Variants in NEBL observed in about 807,000 individuals in gnomAD.
NEBL encodes nebulette.
In NEBL, 122 loss-of-function variants were observed where a neutral mutation model predicts 140.2. The ratio of observed to expected loss-of-function variants is 0.87; its 90% CI spans 0.75 to 1.01. The LOEUF (loss-of-function observed/expected upper bound fraction) is 1.01. NEBL is among the 50% of genes least tolerant of loss of function. NEBL has a pLI of 0.00. For missense variants in NEBL, 1,365 were observed against 1,231.3 expected, an observed-to-expected ratio of 1.11 and a Z score of -1.62; for synonymous variants, 436 against 398.9, an observed-to-expected ratio of 1.09 and a Z score of -1.11.
chr10:21,102,436 T>C lies in NEBL; in HGVS notation c.164+69947A>G, dbSNP rs897768702. ...TAATGCATTCCCCATCCTTACCCAC[T>C]AACCCAAACCCAGGGAACCAACAAT... On this transcript the variant is annotated intron_variant, in intron 2 of 6. Coordinates refer to the NEBL transcript ENST00000417816. Among the ~76,000 whole-genome samples, 6 of 152,188 alleles carry C rather than the reference T, an allele frequency of 3.9e-5. 1 individual carries two copies. The highest frequency in any genetic ancestry group is 3.9e-4 in the Admixed American group (6 of 15,272).
chr10:20,880,432 T>C (rs1227658358), intron 5 of NEBL, among the ~76,000 whole-genome samples: 1 of 152,190 alleles, frequency 6.6e-6, no homozygotes, highest in Non-Finnish European at 1.5e-5. Context: ...CTGTGGGCCA[T>C]TGATTCCTGA....
intron 2 of NEBL, among the ~76,000 whole-genome samples, chr10:21,094,548 G>T (rs906524892): frequency 6.6e-6 from 1 of 150,582 alleles, no homozygotes; most frequent in Non-Finnish European, 1.5e-5. Flanking sequence ...CAGATGTGGT[G>T]GTGGAGTGCC....
intron 2 of NEBL, among the ~76,000 whole-genome samples, chr10:21,151,977 C>T (rs1840157477): frequency 6.6e-6 from 1 of 152,220 alleles, no homozygotes; most frequent in Admixed American, 6.5e-5. Context: ...CTCTACTTTG[C>T]TCACTGCCAC....
chr10:21,009,239 T>C (rs1838245263), intron 3 of NEBL, among the ~76,000 whole-genome samples: 1 of 152,224 alleles, frequency 6.6e-6, no homozygotes, highest in South Asian at 2.1e-4. Flanking sequence ...TTGGTTTTAC[T>C]ATATTTCACT....
intron 2 of NEBL, among the ~76,000 whole-genome samples, chr10:21,042,010 T>C (rs1834289570): frequency 6.6e-6 from 1 of 152,236 alleles, no homozygotes; most frequent in Non-Finnish European, 1.5e-5. Context: ...TGGTGGGTTT[T>C]GTCCGGCTTC....
At chr10:21,116,142 T>C (rs1475765091) in intron 2 of NEBL, among the ~76,000 whole-genome samples, 2 of 152,090 alleles carry the variant, frequency 1.3e-5, no homozygotes, top group South Asian at 2.1e-4. Flanking sequence ...ATATGCAGTA[T>C]ATTTACAATA....
At chr10:21,072,647 C>T (rs564917412) in intron 2 of NEBL, among the ~76,000 whole-genome samples, 1 of 152,344 alleles carries the variant, frequency 6.6e-6, no homozygotes, top group East Asian at 1.9e-4. Flanking sequence ...ACCAGCAGCT[C>T]AGGGCTCAGT....
chr10:21,187,495 A>G (rs1841494982), intron 3 of NEBL, among the ~76,000 whole-genome samples: 1 of 150,568 alleles, frequency 6.6e-6, no homozygotes, highest in Non-Finnish European at 1.5e-5. Flanking sequence ...TATCATTATT[A>G]TTACTATTAT....
At chr10:20,963,364 G>C (rs955656449) in intron 3 of NEBL, among the ~76,000 whole-genome samples, 1 of 152,060 alleles carries the variant, frequency 6.6e-6, no homozygotes, top group Non-Finnish European at 1.5e-5. Context: ...AGGATGACAA[G>C]GTTGGAATAG....
intron 3 of NEBL, among the ~76,000 whole-genome samples, chr10:21,227,653 T>TTTCTTCTTCTTCTTCTTCTTCTTC (rs549558619): frequency 2.3e-4 from 19 of 83,288 alleles, no homozygotes; most frequent in African/African-American, 5.3e-4. Context: ...GCACTTGAAG[T>TTTCTTCTTCTTCTTCTTCTTCTTC]TTCTTCTTCT....
At chr10:20,861,951 C>T (rs1443494031) in intron 7 of NEBL, among the ~76,000 whole-genome samples, 2 of 152,180 alleles carry the variant, frequency 1.3e-5, no homozygotes, top group African/African-American at 4.8e-5. Context: ...CCTGGCCTAC[C>T]TTAAACATGC....
intron 1 of NEBL, among the ~76,000 whole-genome samples, chr10:21,286,816 G>A (rs1843062229): frequency 6.6e-6 from 1 of 151,892 alleles, no homozygotes; most frequent in Admixed American, 6.6e-5. Context: ...TCCAGCCTGG[G>A]TGAAAGAGCA....
At chr10:21,259,662 T>G (rs916282666) in intron 1 of NEBL, among the ~76,000 whole-genome samples, 2 of 152,166 alleles carry the variant, frequency 1.3e-5, no homozygotes, top group African/African-American at 4.8e-5. Flanking sequence ...GCCTTGTGTT[T>G]GGGGTGGATT....
At position 20,999,421 on chromosome 10, in the gene NEBL, A is replaced by G. The variant is rs571844759; in HGVS notation, c.249+20696T>C. On this transcript the variant is annotated intron_variant, in intron 3 of 6. Transcript: ENST00000417816. Reference sequence around the variant, plus strand: ...AGACAAGTCTGGGCAATATGGCAAGACCCCATCCCTACTAAAAATTTAAAA... The same window carrying G: ...AGACAAGTCTGGGCAATATGGCAAGGCCCCATCCCTACTAAAAATTTAAAA... Among the ~76,000 whole-genome samples the G allele has an allele frequency of 2.4e-4, 36 of 152,206 alleles. No individual in the cohort carries two copies. In the Middle Eastern group the frequency reaches 0.01, roughly 43 times the overall value.
intron 2 of NEBL, among the ~76,000 whole-genome samples, chr10:21,025,610 G>C (rs1234037812): frequency 6.6e-6 from 1 of 152,154 alleles, no homozygotes; most frequent in East Asian, 1.9e-4. Flanking sequence ...ATGGAGATGG[G>C]AATGAGAAAG....
At chr10:20,919,979 C>T (rs1456556589) in intron 4 of NEBL, among the ~76,000 whole-genome samples, 1 of 151,244 alleles carries the variant, frequency 6.6e-6, no homozygotes, top group Non-Finnish European at 1.5e-5. Context: ...GAAAAAAAAT[C>T]AACAACCCAA....
intron 7 of NEBL, among the ~76,000 whole-genome samples, chr10:20,867,305 C>A (rs1844394521): frequency 6.6e-6 from 1 of 152,082 alleles, no homozygotes; most frequent in Admixed American, 6.6e-5. Context: ...AATAGTACGT[C>A]TTTTCATTTG....
rs1835102141 is a variant in NEBL, at chr10:20,782,586, T to A, written c.*3161A>T. The A allele has an allele frequency of 6.6e-6, 1 of 152,258 alleles. No individual in the cohort carries two copies. The highest frequency in any genetic ancestry group is 1.5e-5 in the Non-Finnish European group (1 of 68,098). The allele number at this position is 152,258 out of a possible 1,614,324, so 9.4% of individuals were successfully genotyped here. A position where few individuals can be genotyped will look rare whatever the true frequency, so the allele number is the denominator to read the frequency against. Reference sequence around the variant, plus strand: ...CATCTTCTTCAAGAAATAAACCCAGTGGACAGAGAGGGGCTGGTCTAATCT... The same window carrying A: ...CATCTTCTTCAAGAAATAAACCCAGAGGACAGAGAGGGGCTGGTCTAATCT... On this transcript the variant is annotated 3_prime_UTR_variant, in exon 28 of 28. Coordinates refer to ENST00000377122, the MANE Select transcript of NEBL (RefSeq NM_006393.3).
intron 2 of NEBL, among the ~76,000 whole-genome samples, chr10:21,166,465 T>G (rs111901646): frequency 9.2e-5 from 14 of 152,272 alleles, no homozygotes; most frequent in African/African-American, 3.4e-4. Flanking sequence ...TTTTAATAGG[T>G]GTGAGTGAGT....
Sources: allele counts gnomAD v4.1 joint callset (sites outside exome capture counted in the v4.1 genomes callset), GRCh38; gene constraint gnomAD v4.1.1; transcripts MANE v1.5; gene names NCBI Gene and HGNC (gene_info 2026-07-23, HGNC 2026-07-21).